CFAP99: variants seen among roughly 807,000 people sequenced by gnomAD.
The protein encoded by CFAP99 is cilia and flagella associated protein 99.
A neutral mutation model predicts 82.7 loss-of-function variants in CFAP99; 84 were observed. That is an observed-to-expected ratio of 1.02 (90% CI 0.85 to 1.22). The LOEUF (loss-of-function observed/expected upper bound fraction) is 1.22, where lower values mean the gene tolerates loss of function less well. Among genes scored for constraint, CFAP99 ranks in the 50% most tolerant of loss-of-function variants. The pLI, the probability that CFAP99 is intolerant of heterozygous loss-of-function variation, is 0.00. For synonymous variants in CFAP99, 456 were observed against 429.5 expected (o/e 1.06, Z -0.76); for missense variants, 1,059 against 983.5 (o/e 1.08, Z -1.03).
chr4:2,451,382 TTCCACG>T (rs1160306405), intron 10 of CFAP99, 30 bp downstream of exon 10: 1 of 1,527,962 alleles, frequency 6.5e-7, no homozygotes, highest in East Asian at 2.4e-5. Context: ...CCCACCTGCC[TTCCACG>T]GCATCACCCT....
intron 4 of CFAP99, among the ~76,000 whole-genome samples, chr4:2,442,535 T>C (rs1734067672): frequency 6.6e-6 from 1 of 152,020 alleles, no homozygotes; most frequent in African/African-American, 2.4e-5. Flanking sequence ...TGCCCACCAT[T>C]ACCCCCGCTC....
intron 10 of CFAP99, 40 bp downstream of exon 10, chr4:2,451,392 T>G (rs1325538104): frequency 6.6e-7 from 1 of 1,525,406 alleles, no homozygotes; most frequent in East Asian, 2.4e-5. Flanking sequence ...TTCCACGGCA[T>G]CACCCTTGAG....
At chr4:2,432,458 C>T (rs999869529) in intron 2 of CFAP99, among the ~76,000 whole-genome samples, 3 of 152,220 alleles carry the variant, frequency 2.0e-5, no homozygotes, top group African/African-American at 7.2e-5. Flanking sequence ...CTGCAGCCTC[C>T]GTTTCCTTTG....
chr4:2,460,116 G>A (rs888939854), exon 14 of CFAP99: 60 of 1,535,984 alleles, frequency 3.9e-5, no homozygotes, highest in Admixed American at 5.9e-5. Context: ...GAGAATCAGC[G>A]GCGCAAGGAG....
At chr4:2,454,594 G>GTTTTTTTTTTTTTTTTTTTTTTTTTTTGT (rs1204498727) in intron 11 of CFAP99, among the ~76,000 whole-genome samples, 1 of 84,536 alleles carries the variant, frequency 1.2e-5, no homozygotes, top group African/African-American at 4.2e-5. Flanking sequence ...TTTTTTTTTT[G>GTTTTTTTTTTTTTTTTTTTTTTTTTTTGT]TTTTTTTTTT....
chr4:2,453,347 G>C (rs553566016), intron 11 of CFAP99, among the ~76,000 whole-genome samples: 2 of 152,266 alleles, frequency 1.3e-5, no homozygotes, highest in South Asian at 4.1e-4. Context: ...GGATTTTCAG[G>C]GTAAACTTCT....
At chr4:2,459,815 G>C (rs1206018651) in intron 13 of CFAP99, among the ~76,000 whole-genome samples, 2 of 152,248 alleles carry the variant, frequency 1.3e-5, no homozygotes, top group African/African-American at 4.8e-5. Flanking sequence ...ACTTGCCACA[G>C]TGGAGGGGCC....
chr4:2,438,479 G>T (rs1733968953), intron 4 of CFAP99, among the ~76,000 whole-genome samples: 1 of 151,982 alleles, frequency 6.6e-6, no homozygotes, highest in African/African-American at 2.4e-5. Context: ...ACCCAGGATG[G>T]TCTCAATCTC....
chr4:2,426,616 C>A, intron 2 of CFAP99, 30 bp downstream of exon 2: 1 of 1,384,820 alleles, frequency 7.2e-7, no homozygotes, highest in South Asian at 1.2e-5. Flanking sequence ...GCTGGGAGGC[C>A]ACGCCAATGG....
At chr4:2,429,981 G>A (rs1011064030) in intron 2 of CFAP99, among the ~76,000 whole-genome samples, 1 of 152,222 alleles carries the variant, frequency 6.6e-6, no homozygotes, top group Non-Finnish European at 1.5e-5. Context: ...TTCCTCTCCA[G>A]CTATCAAGAA....
intron 4 of CFAP99, among the ~76,000 whole-genome samples, chr4:2,441,372 C>CAAAAA (rs35201791): frequency 1.7e-5 from 2 of 120,152 alleles, no homozygotes; most frequent in Non-Finnish European, 3.6e-5. Context: ...GACTCCATCT[C>CAAAAA]AAAAAAAAAA....
At chr4:2,419,115 G>C (rs1296354467) in intron 1 of CFAP99, 22 bp downstream of exon 1, 2 of 152,128 alleles carry the variant, frequency 1.3e-5, no homozygotes, top group Non-Finnish European at 2.9e-5. Context: ...GGACAGGTGC[G>C]GGGCGACGCG....
intron 13 of CFAP99, 24 bp from the exon 14 acceptor site, chr4:2,460,013 G>T: frequency 2.6e-6 from 4 of 1,533,808 alleles, no homozygotes; most frequent in Non-Finnish European, 3.5e-6. Flanking sequence ...CTCCCAGCTT[G>T]GGGCCTCCCC....
intron 13 of CFAP99, 80 bp from the exon 14 acceptor site, chr4:2,459,957 G>A: frequency 1.5e-6 from 2 of 1,329,178 alleles, no homozygotes; most frequent in African/African-American, 1.4e-5. Flanking sequence ...GTGGGCCTAT[G>A]GAACAGGGGA....
At chr4:2,460,075 G>A (rs1162318771) in exon 14 of CFAP99, 3 of 1,536,096 alleles carry the variant, frequency 2.0e-6, no homozygotes, top group African/African-American at 2.7e-5. Flanking sequence ...TGTCCATAGT[G>A]GAGCTGCGAG....
intron 14 of CFAP99, among the ~76,000 whole-genome samples, chr4:2,460,744 T>C (rs1481700767): frequency 6.6e-6 from 1 of 151,782 alleles, no homozygotes; most frequent in African/African-American, 2.4e-5. Flanking sequence ...TGGCCAACTG[T>C]TTTTTGTTTT....
exon 6 of CFAP99, chr4:2,445,227 C>T: frequency 1.4e-6 from 2 of 1,455,180 alleles, no homozygotes; most frequent in South Asian, 1.4e-5. Flanking sequence ...TCACAGAGCC[C>T]AAGGAATTCA....
rs34564273 is a variant in CFAP99, at chr4:2,453,741, CTTT to C, written c.1161+1408_1161+1410del. On this transcript the variant is annotated intron_variant, in intron 11 of 14. Coordinates refer to ENST00000635017, the Ensembl canonical transcript of CFAP99. The stretch of plus-strand genomic sequence containing the variant: ...GCACTTTTGACCTTCATTTCCCTGA[CTTT>C]TTTTTTTTTTTTGGTTCTTTATTTA... Among the ~76,000 whole-genome samples, 417 of 132,398 alleles carry C rather than the reference CTTT, an allele frequency of 3.1e-3. 2 individuals carry two copies. The highest frequency in any genetic ancestry group is 0.01 in the African/African-American group (354 of 35,278). The allele number at this position is 132,398 out of a possible 152,430, so 86.9% of individuals were successfully genotyped here. A position where few individuals can be genotyped will look rare whatever the true frequency, so the allele number is the denominator to read the frequency against.
chr4:2,458,924 T>G, intron 12 of CFAP99, 60 bp downstream of exon 12: 2 of 1,494,720 alleles, frequency 1.3e-6, no homozygotes, highest in Non-Finnish European at 8.9e-7. Flanking sequence ...GGTGCTGGGC[T>G]GCCACCCTTT....
Sources: gnomAD v4.1 joint callset for allele counts (sites outside exome capture counted in the v4.1 genomes callset) on GRCh38, gnomAD v4.1.1 for gene constraint, MANE v1.5 for transcripts, NCBI Gene and HGNC (gene_info 2026-07-23, HGNC 2026-07-21) for gene names.